SCLT1: variants seen among roughly 807,000 people sequenced by gnomAD.
SCLT1 encodes sodium channel-associated protein 1.
In SCLT1, 78 loss-of-function variants were observed where a neutral mutation model predicts 112.8. The ratio of observed to expected loss-of-function variants is 0.69; its 90% confidence interval spans 0.58 to 0.83. The LOEUF (loss-of-function observed/expected upper bound fraction) is 0.83. Among genes scored for constraint, SCLT1 ranks in the 40% least tolerant of loss-of-function variants. The pLI is 0.00. For missense variants in SCLT1, 747 were observed against 770.4 expected (o/e 0.97, Z 0.36); for synonymous variants, 257 against 254.7 (o/e 1.01, Z -0.09).
chr4:128,928,834 CA>C (rs34182741), intron 18 of SCLT1, among the ~76,000 whole-genome samples: 2,681 of 146,598 alleles, frequency 0.018, 60 homozygotes, highest in African/African-American at 0.055. Context: ...CTCCGTCTCG[CA>C]AAAAAAAAAA....
intron 9 of SCLT1, among the ~76,000 whole-genome samples, chr4:128,986,793 G>A (rs1411604869): frequency 6.6e-6 from 1 of 152,190 alleles, no homozygotes; most frequent in Non-Finnish European, 1.5e-5. Flanking sequence ...CCTGGGCCTT[G>A]AATAAACATC....
At chr4:129,011,759 T>A (rs1744540986) in intron 5 of SCLT1, among the ~76,000 whole-genome samples, 1 of 152,106 alleles carries the variant, frequency 6.6e-6, no homozygotes, top group African/African-American at 2.4e-5. Context: ...CCTGGTTTAG[T>A]CTTAGGAGGG....
chr4:129,055,627 C>T (rs968188845), intron 2 of SCLT1, among the ~76,000 whole-genome samples: 1 of 152,078 alleles, frequency 6.6e-6, no homozygotes, highest in Non-Finnish European at 1.5e-5. Flanking sequence ...CTCCCCCAAC[C>T]AAGCTCGTTC....
chr4:129,000,526 AC>A (rs1743382199), intron 6 of SCLT1, among the ~76,000 whole-genome samples: 1 of 152,006 alleles, frequency 6.6e-6, no homozygotes, highest in East Asian at 1.9e-4. Flanking sequence ...TAATATGTTA[AC>A]ATTTTTCGCC....
intron 10 of SCLT1, among the ~76,000 whole-genome samples, chr4:128,966,133 T>A (rs1393712692): frequency 1.6e-4 from 10 of 62,296 alleles, no homozygotes; most frequent in Middle Eastern, 9.1e-3. Context: ...CTTGGCCAAA[T>A]TTTTTTTTTT....
At chr4:129,067,250 A>AC (rs1002969776) in intron 2 of SCLT1, among the ~76,000 whole-genome samples, 21 of 150,936 alleles carry the variant, frequency 1.4e-4, no homozygotes, top group South Asian at 4.2e-4. Context: ...AAAAAAAAAA[A>AC]CAAATCATTG....
At chr4:129,085,156 A>G (rs1170914169) in intron 1 of SCLT1, among the ~76,000 whole-genome samples, 2 of 152,192 alleles carry the variant, frequency 1.3e-5, no homozygotes, top group African/African-American at 4.8e-5. Flanking sequence ...TCTATAAGGA[A>G]CTTGAACAAA....
chr4:128,917,176 G>C (rs1735544647), intron 18 of SCLT1, among the ~76,000 whole-genome samples: 1 of 151,990 alleles, frequency 6.6e-6, no homozygotes, highest in African/African-American at 2.4e-5. Flanking sequence ...CCTCGTGACT[G>C]ACCCCAGTGC....
chr4:128,980,984 A>C (rs1266990111), intron 9 of SCLT1, among the ~76,000 whole-genome samples: 1 of 152,174 alleles, frequency 6.6e-6, no homozygotes, highest in East Asian at 1.9e-4. Flanking sequence ...ATAAAGTGTA[A>C]TTTAATTATT....
chr4:129,093,449 C>T lies in SCLT1; in HGVS notation c.-346G>A, dbSNP rs1579998214. 1 of 282,000 alleles carries T rather than the reference C, an allele frequency of 3.5e-6. No individual in the cohort carries two copies. Among genetic ancestry groups the T allele is most frequent in the Admixed American group, 5.0e-5 (1 of 19,820 alleles). 17.5% of individuals were successfully genotyped at this position (282,000 alleles called of 1,614,324 possible). ...GGAGAGTGCCGCGGGAGCTTGACGG[C>T]AGCCTGAGAGCGGCGTTCTACGCGG... On this transcript the variant is annotated 5_prime_UTR_variant, in exon 1 of 21. Coordinates refer to ENST00000281142, the MANE Select transcript of SCLT1 (RefSeq NM_144643.4).
intron 3 of SCLT1, among the ~76,000 whole-genome samples, chr4:128,877,339 T>C (rs1381501358): frequency 2.6e-5 from 4 of 152,068 alleles, no homozygotes; most frequent in Non-Finnish European, 4.4e-5. Context: ...AATCCCAGCC[T>C]GTCTGGGATT....
chr4:129,028,994 T>G (rs1286188767), intron 5 of SCLT1, among the ~76,000 whole-genome samples: 1 of 152,140 alleles, frequency 6.6e-6, no homozygotes, highest in Non-Finnish European at 1.5e-5. Flanking sequence ...CTCACACCAG[T>G]TAGAATGGCA....
chr4:129,047,529 A>G (rs1426051880), intron 2 of SCLT1, among the ~76,000 whole-genome samples: 10 of 151,988 alleles, frequency 6.6e-5, no homozygotes, highest in African/African-American at 2.4e-5. Flanking sequence ...TGAAAACAAA[A>G]TAGTTCTAGT....
At chr4:128,951,330 A>G (rs529245515) in intron 14 of SCLT1, among the ~76,000 whole-genome samples, 9 of 152,150 alleles carry the variant, frequency 5.9e-5, no homozygotes, top group Non-Finnish European at 1.2e-4. Context: ...AGTTCTCCCC[A>G]TAGAATCAAC....
rs550958930 is a variant in SCLT1 at position 128,975,121 on chromosome 4, C to T, written c.687-4653G>A. Among the ~76,000 whole-genome samples, 10 of 137,354 alleles carry T rather than the reference C, an allele frequency of 7.3e-5. No homozygotes were observed. The East Asian group carries it at 1.1e-3, about 16-fold the overall frequency. 90.1% of individuals were successfully genotyped at this position (137,354 alleles called of 152,430 possible). On this transcript the variant is annotated intron_variant, in intron 9 of 20. Transcript: ENST00000281142. ...TGGTACGATCTTGGCTCACTGCAAG[C>T]TCCGCCTCCTGGGTTCACGCCATTC...
chr4:128,899,816 C>A (rs1163855299), intron 18 of SCLT1, among the ~76,000 whole-genome samples: 3 of 152,186 alleles, frequency 2.0e-5, no homozygotes, highest in Non-Finnish European at 4.4e-5. Flanking sequence ...TGATAGGCAA[C>A]TTCAGCAAAG....
chr4:129,050,201 C>T (rs113840126), intron 2 of SCLT1, among the ~76,000 whole-genome samples: 2,151 of 152,200 alleles, frequency 0.014, 52 homozygotes, highest in African/African-American at 0.046. Context: ...AATAAACATA[C>T]GTGTGCATGT....
chr4:128,993,713 T>C (rs1236088218), intron 8 of SCLT1, among the ~76,000 whole-genome samples: 1 of 152,104 alleles, frequency 6.6e-6, no homozygotes. Context: ...TTTTCACTGA[T>C]TATTTCATAT....
chr4:129,002,501 C>T (rs1432870425), intron 6 of SCLT1, among the ~76,000 whole-genome samples: 1 of 151,684 alleles, frequency 6.6e-6, no homozygotes. Context: ...CTGAAAAATA[C>T]AAATTTAGAG....
Sources: allele counts gnomAD v4.1 joint callset (sites outside exome capture counted in the v4.1 genomes callset), GRCh38; gene constraint gnomAD v4.1.1; transcripts MANE v1.5; gene names NCBI Gene and HGNC (gene_info 2026-07-23, HGNC 2026-07-21).